The following PARN variants were observed in gnomAD, a reference collection of about 807,000 sequenced individuals.
PARN encodes the protein poly(A)-specific ribonuclease.
In PARN, 71 loss-of-function variants were observed where a neutral mutation model predicts 102.8. The observed-to-expected ratio is 0.69, with a 90% CI of 0.57 to 0.84. The LOEUF is 0.84. Ranked by LOEUF, PARN falls within the 40% of genes least tolerant of loss-of-function variation. The pLI is 0.00. For synonymous variants in PARN, 261 were observed against 252.9 expected (o/e 1.03, Z -0.30); for missense variants, 782 against 760.9 (o/e 1.03, Z -0.33).
intron 23 of PARN, among the ~76,000 whole-genome samples, chr16:14,437,173 C>T (rs913968224): frequency 1.3e-5 from 2 of 152,200 alleles, no homozygotes; most frequent in Non-Finnish European, 2.9e-5. Flanking sequence ...CCCCATTTTA[C>T]AGATGCAAGA....
chr16:14,601,685 G>C (rs1970875819), intron 11 of PARN: 1 of 152,082 alleles, frequency 6.6e-6, no homozygotes, highest in Non-Finnish European at 1.5e-5. Flanking sequence ...CACTTTGGCA[G>C]GCTGAGGCAG....
At chr16:14,550,893 T>C (rs1322265142) in intron 21 of PARN, among the ~76,000 whole-genome samples, 2 of 152,166 alleles carry the variant, frequency 1.3e-5, no homozygotes, top group African/African-American at 2.4e-5. Context: ...GTTTAATTGA[T>C]GGTTAATATC....
chr16:14,552,371 C>T (rs1451172832), intron 20 of PARN, among the ~76,000 whole-genome samples: 2 of 152,218 alleles, frequency 1.3e-5, no homozygotes, highest in Admixed American at 1.3e-4. Context: ...CCAGATTAAA[C>T]CCTGGGGCTT....
intron 23 of PARN, among the ~76,000 whole-genome samples, chr16:14,440,661 C>CT (rs1960902289): frequency 2.6e-5 from 4 of 152,314 alleles, no homozygotes; most frequent in Admixed American, 2.6e-4. Flanking sequence ...TGGAATACCA[C>CT]TTAGCAGTAA....
intron 13 of PARN, among the ~76,000 whole-genome samples, chr16:14,589,496 T>C (rs1970041996): frequency 1.3e-5 from 2 of 149,812 alleles, no homozygotes; most frequent in South Asian, 4.2e-4. Context: ...GCCCAGGGAG[T>C]TGAGGCTGCA....
intron 22 of PARN, among the ~76,000 whole-genome samples, chr16:14,468,735 T>C (rs752333960): frequency 1.3e-5 from 2 of 152,068 alleles, no homozygotes; most frequent in Non-Finnish European, 2.9e-5. Flanking sequence ...ACTTCAAATA[T>C]ATAGAAAGTT....
chr16:14,489,702 AG>A (rs1211590831), intron 21 of PARN, among the ~76,000 whole-genome samples: 2 of 152,170 alleles, frequency 1.3e-5, no homozygotes, highest in Non-Finnish European at 2.9e-5. Context: ...TGCTTCTTAG[AG>A]GGTTGAAACC....
intron 21 of PARN, among the ~76,000 whole-genome samples, chr16:14,514,493 A>G (rs1965360153): frequency 6.6e-6 from 1 of 152,172 alleles, no homozygotes; most frequent in African/African-American, 2.4e-5. Context: ...GCCAAGAGTC[A>G]CTTTAAATGC....
intron 23 of PARN, among the ~76,000 whole-genome samples, chr16:14,438,450 G>GGC (rs1555475682): frequency 1.3e-5 from 2 of 148,834 alleles, no homozygotes; most frequent in Admixed American, 6.7e-5. Context: ...TTGGGGGGGG[G>GGC]GGTGTGTGAG....
intron 13 of PARN, among the ~76,000 whole-genome samples, chr16:14,588,049 CAT>C (rs369444662): frequency 6.6e-6 from 1 of 152,172 alleles, no homozygotes; most frequent in African/African-American, 2.4e-5. Context: ...ATTTATGTAA[CAT>C]AGAGATGTAC....
rs893964833 is a variant in PARN, at chr16:14,552,896, C to T, written c.1406-801G>A. 2.0e-5 allele frequency among the ~76,000 whole-genome samples: 3 copies of T among 151,708 alleles called. No individual in the cohort carries two copies. The East Asian group carries it at 5.8e-4, about 29-fold the overall frequency. Reference sequence around the variant, plus strand: ...CTGGGAGGCGGAGGTTGAGGTGAGCCGAGATCGCGCCATTGCACTCCAGCC... The same window carrying T: ...CTGGGAGGCGGAGGTTGAGGTGAGCTGAGATCGCGCCATTGCACTCCAGCC... On this transcript the variant is annotated intron_variant, in intron 20 of 23. Transcript: ENST00000437198.
At chr16:14,498,614 C>T (rs1964437016) in intron 21 of PARN, among the ~76,000 whole-genome samples, 1 of 152,122 alleles carries the variant, frequency 6.6e-6, no homozygotes, top group Non-Finnish European at 1.5e-5. Context: ...AACACCACCT[C>T]CTTGAACACC....
At chr16:14,532,661 C>T (rs1177781878) in intron 21 of PARN, among the ~76,000 whole-genome samples, 1 of 152,008 alleles carries the variant, frequency 6.6e-6, no homozygotes, top group East Asian at 1.9e-4. Context: ...CATCATGGCC[C>T]GTTCTCAATG....
intron 5 of PARN, among the ~76,000 whole-genome samples, chr16:14,624,502 G>A (rs140763847): frequency 7.9e-5 from 12 of 152,258 alleles, no homozygotes; most frequent in African/African-American, 2.9e-4. Flanking sequence ...AGGAGTGGCT[G>A]GCAACTACAA....
intron 10 of PARN, 86 bp downstream of exon 10, chr16:14,606,398 A>T (rs1971184388): frequency 1.5e-6 from 1 of 660,248 alleles, no homozygotes; most frequent in Non-Finnish European, 2.4e-6. Flanking sequence ...ACCCTGAGGG[A>T]AAAAAAAAAA....
chr16:14,582,101 T>G, intron 17 of PARN, 80 bp downstream of exon 17: 1 of 868,574 alleles, frequency 1.2e-6, no homozygotes, highest in Non-Finnish European at 2.0e-6. Flanking sequence ...CAGTAATTTA[T>G]TACAGCAGCC....
intron 23 of PARN, among the ~76,000 whole-genome samples, chr16:14,443,868 T>G (rs1231859272): frequency 6.6e-6 from 1 of 152,138 alleles, no homozygotes; most frequent in African/African-American, 2.4e-5. Flanking sequence ...CTTTTCTGAG[T>G]ACTGGAGCTC....
At chr16:14,549,689 C>T (rs1967175530) in intron 21 of PARN, among the ~76,000 whole-genome samples, 1 of 152,196 alleles carries the variant, frequency 6.6e-6, no homozygotes, top group Non-Finnish European at 1.5e-5. Context: ...ATGCTACTAA[C>T]TCATGTTTTA....
At chr16:14,525,428 T>C (rs1392711912) in intron 21 of PARN, among the ~76,000 whole-genome samples, 2 of 152,148 alleles carry the variant, frequency 1.3e-5, no homozygotes, top group South Asian at 2.1e-4. Flanking sequence ...GGGAACCCAA[T>C]TATTCCCAGA....
Sources: gnomAD v4.1 joint callset for allele counts (sites outside exome capture counted in the v4.1 genomes callset) on GRCh38, gnomAD v4.1.1 for gene constraint, MANE v1.5 for transcripts, NCBI Gene and HGNC (gene_info 2026-07-23, HGNC 2026-07-21) for gene names.